Variants in SLC24A3 observed in about 807,000 individuals in gnomAD.
SLC24A3 encodes the protein solute carrier family 24 member 3.
A neutral mutation model predicts 75.8 loss-of-function variants in SLC24A3; 28 were observed. The ratio of observed to expected loss-of-function variants is 0.37; its 90% CI spans 0.27 to 0.51. SLC24A3 has a LOEUF of 0.51. Ranked by LOEUF, SLC24A3 falls within the 20% of genes least tolerant of loss-of-function variation. The pLI is 0.94. For missense variants in SLC24A3, 663 were observed against 847.8 expected (o/e 0.78, Z 2.71); for synonymous variants, 372 against 334.1 (o/e 1.11, Z -1.24).
In SLC24A3 at chr20:19,714,327, C is replaced by T. The variant is rs113142482; in HGVS notation, c.1720-3201C>T. On this transcript the variant is annotated intron_variant, in intron 15 of 16. Transcript: ENST00000328041. ...GGCTAAGGCAGGAGGATCACTTGGG[C>T]ACAGGAGTTCAAAGCTACAGTGAGC... Among the ~76,000 whole-genome samples, 636 of 147,790 alleles carry T rather than the reference C, an allele frequency of 4.3e-3. 2 individuals carry two copies. Among genetic ancestry groups the T allele is most frequent in the Middle Eastern group, 0.028 (8 of 288 alleles).
Position 19,721,037 on chromosome 20 carries a change from G to A in SLC24A3, c.1832G>A (p.Gly611Asp). ...AAGTGGCAGCTGGACAAGAAGCTGG[G>A]CTGTGGGTGCCTCCTCCTGTATGGT... ...LNKWQLDKKL[G>D]CGCLLLYGVF... The change falls in exon 17 of 17, where the codon GGC becomes GAC. Residue 611 changes from glycine (G) to aspartate (D), a missense_variant. By Grantham distance (94) the Gly-to-Asp change is moderately conservative. Transcript: ENST00000328041. The A allele has an allele frequency of 1.2e-6, 2 of 1,614,072 alleles. No individual in the cohort carries two copies. Among genetic ancestry groups the A allele is most frequent in the Non-Finnish European group, 1.7e-6 (2 of 1,180,010 alleles).
intron 6 of SLC24A3, among the ~76,000 whole-genome samples, chr20:19,617,042 C>G (rs755087497): frequency 6.6e-6 from 1 of 152,122 alleles, no homozygotes; most frequent in Non-Finnish European, 1.5e-5. Flanking sequence ...TTTACATTCC[C>G]TGGAATATAT....
At chr20:19,670,882 G>C (rs933164241) in intron 8 of SLC24A3, among the ~76,000 whole-genome samples, 2 of 152,294 alleles carry the variant, frequency 1.3e-5, no homozygotes, top group Admixed American at 6.5e-5. Context: ...GCAAGACCTG[G>C]GGGTGTCTGC....
Position 19,677,690 on chromosome 20 carries a change from T to C in SLC24A3, c.767+4036T>C, listed in dbSNP as rs1382592552. Among the ~76,000 whole-genome samples the C allele has an allele frequency of 2.1e-4, 23 of 111,114 alleles. 1 individual carries two copies. The East Asian group carries it at 2.1e-3, about 10-fold the overall frequency. 72.9% of individuals were successfully genotyped at this position (111,114 alleles called of 152,430 possible). A position where few individuals can be genotyped will look rare whatever the true frequency, so the allele number is the denominator to read the frequency against. ...TTTTAGGATTCTTTTTTTTTTCTTT[T>C]TTTTTTTTTTTTTTTTAATTTTCAT... On this transcript the variant is annotated intron_variant, in intron 9 of 16. Transcript: ENST00000328041.
chr20:19,487,222 T>C (rs1399027654), intron 2 of SLC24A3, among the ~76,000 whole-genome samples: 1 of 152,204 alleles, frequency 6.6e-6, no homozygotes, highest in Non-Finnish European at 1.5e-5. Flanking sequence ...TGAATTGAAT[T>C]AAATGCCCTG....
At chr20:19,453,718 C>T (rs1304332628) in intron 2 of SLC24A3, among the ~76,000 whole-genome samples, 1 of 152,188 alleles carries the variant, frequency 6.6e-6, no homozygotes, top group African/African-American at 2.4e-5. Context: ...CAGACCTGTG[C>T]GCCCACCCCA....
chr20:19,371,672 T>G (rs544298782), intron 2 of SLC24A3, among the ~76,000 whole-genome samples: 4 of 152,270 alleles, frequency 2.6e-5, no homozygotes, highest in Admixed American at 6.5e-5. Context: ...TGTTTTTTAG[T>G]GGTATATTTC....
chr20:19,543,042 A>C (rs1219681850), intron 3 of SLC24A3, among the ~76,000 whole-genome samples: 1 of 152,234 alleles, frequency 6.6e-6, no homozygotes, highest in Non-Finnish European at 1.5e-5. Context: ...GGCCTGAGAC[A>C]CAGTAAGTGC....
chr20:19,311,230 G>A (rs1168823687), intron 2 of SLC24A3, among the ~76,000 whole-genome samples: 1 of 152,160 alleles, frequency 6.6e-6, no homozygotes, highest in Admixed American at 6.5e-5. Context: ...TAAACCTCAT[G>A]TTCAAAGGCT....
Position 19,212,955 on chromosome 20 carries a change from G to T in SLC24A3, c.113G>T (p.Trp38Leu). The T allele has an allele frequency of 7.6e-7, 1 of 1,322,520 alleles. No homozygotes were observed. The highest frequency in any genetic ancestry group is 9.7e-7 in the Non-Finnish European group (1 of 1,033,550). The allele number at this position is 1,322,520 out of a possible 1,614,324, so 81.9% of individuals were successfully genotyped here. A position where few individuals can be genotyped will look rare whatever the true frequency, so the allele number is the denominator to read the frequency against. Residue 38 changes from tryptophan to leucine, a missense_variant, in exon 1 of 17, where the codon TGG becomes TTG. Physicochemically the swap from Trp to Leu is moderately conservative, Grantham distance 61 (BLOSUM62 -2). Coordinates refer to ENST00000328041, the MANE Select transcript of SLC24A3 (RefSeq NM_020689.4). ...CTGGCCTCGGTGGCGCTGCTGCTCT[G>T]GTCGCTGTCGAGCCTGCGAGAGCAG... is the stretch of plus-strand genomic sequence containing the variant. ...CFLASVALLL[W>L]SLSSLREQKE...
intron 2 of SLC24A3, among the ~76,000 whole-genome samples, chr20:19,514,682 G>T (rs1358709498): frequency 6.6e-6 from 1 of 152,228 alleles, no homozygotes; most frequent in Non-Finnish European, 1.5e-5. Context: ...TGGATTTTAT[G>T]AGAGGAAGGG....
At chr20:19,552,865 T>A (rs2030718793) in intron 3 of SLC24A3, among the ~76,000 whole-genome samples, 1 of 151,996 alleles carries the variant, frequency 6.6e-6, no homozygotes, top group Non-Finnish European at 1.5e-5. Flanking sequence ...TACATCTGTG[T>A]CATCTTGCTT....
At chr20:19,545,925 C>T (rs1014853837) in intron 3 of SLC24A3, among the ~76,000 whole-genome samples, 9 of 151,754 alleles carry the variant, frequency 5.9e-5, no homozygotes, top group Admixed American at 2.6e-4. Context: ...TTTGGGAGGC[C>T]GAGGCGGGTG....
chr20:19,301,568 G>A (rs1984198398), intron 2 of SLC24A3, among the ~76,000 whole-genome samples: 1 of 152,116 alleles, frequency 6.6e-6, no homozygotes, highest in African/African-American at 2.4e-5. Flanking sequence ...TATTAACATT[G>A]TCTTCCTTGT....
At chr20:19,562,110 T>C (rs1374129604) in intron 3 of SLC24A3, among the ~76,000 whole-genome samples, 1 of 152,140 alleles carries the variant, frequency 6.6e-6, no homozygotes. Flanking sequence ...GGATTCCCAT[T>C]TGTGACTCTG....
intron 2 of SLC24A3, among the ~76,000 whole-genome samples, chr20:19,432,918 A>T (rs1016448386): frequency 6.6e-6 from 1 of 152,232 alleles, no homozygotes; most frequent in Admixed American, 6.5e-5. Flanking sequence ...GAACATAAGC[A>T]TGTGACAGTT....
In SLC24A3 at chr20:19,384,167, G is replaced by A. The variant is rs1986230973; in HGVS notation, c.271+103080G>A. ...AGATATTCACTGCCTCACATAGTTA[G>A]CATTTTTGTTTCATGTTAATAATAT... is the stretch of plus-strand genomic sequence containing the variant. On this transcript the variant is annotated intron_variant, in intron 2 of 16. Transcript: ENST00000328041. 2.6e-5 allele frequency among the ~76,000 whole-genome samples: 4 copies of A among 152,192 alleles called. No individual in the cohort carries two copies. In the South Asian group the frequency reaches 6.2e-4, roughly 24 times the overall value.
intron 9 of SLC24A3, among the ~76,000 whole-genome samples, chr20:19,680,055 CTG>C (rs1232171068): frequency 6.7e-6 from 1 of 148,612 alleles, no homozygotes; most frequent in South Asian, 2.1e-4. Context: ...CTGTGTGTGT[CTG>C]TGTGCTGTGT....
intron 3 of SLC24A3, among the ~76,000 whole-genome samples, chr20:19,516,968 C>G (rs1298391243): frequency 1.3e-5 from 2 of 152,212 alleles, no homozygotes; most frequent in African/African-American, 4.8e-5. Flanking sequence ...CACAGGCCAC[C>G]TTGATCTTGA....
Sources: gnomAD v4.1 joint callset for allele counts (sites outside exome capture counted in the v4.1 genomes callset) on GRCh38, gnomAD v4.1.1 for gene constraint, MANE v1.5 for transcripts, NCBI Gene and HGNC (gene_info 2026-07-23, HGNC 2026-07-21) for gene names.